The following UBAC2 variants were observed in gnomAD, a reference collection of about 807,000 sequenced individuals.
UBAC2 encodes UBA domain containing 2, also known as ubiquitin-associated domain-containing protein 2.
UBAC2 carries 26 observed loss-of-function variants against 44.0 expected under a neutral mutation model. That is an observed-to-expected ratio of 0.59 (90% confidence interval 0.43 to 0.82). The LOEUF is 0.82. Among genes scored for constraint, UBAC2 ranks in the 40% least tolerant of loss-of-function variants. The pLI is 0.00. For missense variants in UBAC2, 329 were observed against 419.4 expected (o/e 0.78, Z 1.88); for synonymous variants, 155 against 154.3 (o/e 1.00, Z -0.04).
chr13:99,358,315 T>A (rs1043666962), intron 7 of UBAC2, among the ~76,000 whole-genome samples: 4 of 152,208 alleles, frequency 2.6e-5, no homozygotes, highest in Admixed American at 6.5e-5. Context: ...CTCCCTTTCT[T>A]TTCTAACTGT....
intron 4 of UBAC2, among the ~76,000 whole-genome samples, chr13:99,249,221 C>G (rs938852657): frequency 4.0e-5 from 6 of 151,882 alleles, no homozygotes; most frequent in African/African-American, 1.5e-4. Context: ...TCTTCCGTGT[C>G]TGTTGCTGCC....
At chr13:99,342,445 G>A (rs985736813) in intron 7 of UBAC2, among the ~76,000 whole-genome samples, 1 of 152,244 alleles carries the variant, frequency 6.6e-6, no homozygotes, top group African/African-American at 2.4e-5. Flanking sequence ...GCATAGTCTC[G>A]GCGCTGAGTG....
chr13:99,215,925 A>G (rs1426190018), intron 1 of UBAC2, among the ~76,000 whole-genome samples: 1 of 152,266 alleles, frequency 6.6e-6, no homozygotes, highest in Non-Finnish European at 1.5e-5. Context: ...CTAGTCTGAA[A>G]GACCTCTCTA....
At chr13:99,323,402 A>T (rs1164398754) in intron 6 of UBAC2, among the ~76,000 whole-genome samples, 2 of 152,208 alleles carry the variant, frequency 1.3e-5, no homozygotes, top group Non-Finnish European at 2.9e-5. Context: ...AGAGTTCAAC[A>T]CCAGCCTGGC....
At chr13:99,349,923 G>A (rs1305335222) in intron 7 of UBAC2, among the ~76,000 whole-genome samples, 1 of 152,080 alleles carries the variant, frequency 6.6e-6, no homozygotes, top group Admixed American at 6.6e-5. Context: ...AATGAAAGGA[G>A]ACTCCCTTTC....
At chr13:99,213,133 G>GGCATTC (rs2042953177) in intron 1 of UBAC2, among the ~76,000 whole-genome samples, 1 of 151,790 alleles carries the variant, frequency 6.6e-6, no homozygotes, top group East Asian at 1.9e-4. Flanking sequence ...ATTTTATACA[G>GGCATTC]AAATGGCATT....
intron 6 of UBAC2, among the ~76,000 whole-genome samples, chr13:99,332,599 G>A (rs554495596): frequency 1.3e-4 from 20 of 152,288 alleles, no homozygotes; most frequent in South Asian, 8.3e-4. Context: ...CTCTGGTTGC[G>A]TGACCATGTG....
In UBAC2 at chr13:99,204,642, C is replaced by A. The variant is rs1259212405; in HGVS notation, c.31+3703C>A. Among the ~76,000 whole-genome samples, 3 of 152,052 alleles carry A rather than the reference C, an allele frequency of 2.0e-5. No homozygotes were observed. The East Asian group carries it at 5.8e-4, about 29-fold the overall frequency. Reference sequence around the variant, plus strand: ...GGGGAGAGTGGCTGATGGCATTACACGCTGCAGAGATTTTCAAAACGGGCC... The same window carrying A: ...GGGGAGAGTGGCTGATGGCATTACAAGCTGCAGAGATTTTCAAAACGGGCC... On this transcript the variant is annotated intron_variant, in intron 1 of 8. Coordinates refer to ENST00000403766, the MANE Select transcript of UBAC2 (RefSeq NM_001144072.2).
In UBAC2 at chr13:99,244,605, A is replaced by G; in HGVS notation, c.370A>G (p.Ser124Gly). Reference protein sequence around the residue: ...MQYFFGITAASNLPSGFLAPV... With the variant: ...MQYFFGITAAGNLPSGFLAPV... ...GTATTTCTTTGGCATCACTGCAGCTAGTAATTTGCCTTCTGGATTGTAAGT... is the reference window on the plus strand; with the variant it reads ...GTATTTCTTTGGCATCACTGCAGCTGGTAATTTGCCTTCTGGATTGTAAGT... Residue 124 changes from serine (S) to glycine (G), a missense_variant, in exon 4 of 9, where the codon AGT becomes GGT. Ser to Gly is a moderately conservative substitution (Grantham distance 56). Transcript: ENST00000403766. 1 of 1,611,156 alleles carries G rather than the reference A, an allele frequency of 6.2e-7. No individual in the cohort carries two copies. Among genetic ancestry groups the G allele is most frequent in the Non-Finnish European group, 8.5e-7 (1 of 1,177,648 alleles).
intron 4 of UBAC2, chr13:99,296,298 T>G: frequency 1.8e-6 from 1 of 563,152 alleles, no homozygotes; most frequent in Non-Finnish European, 2.9e-6. Context: ...TTTTAAAATT[T>G]CATGACATGC....
chr13:99,317,425 G>C (rs139259594), intron 5 of UBAC2, among the ~76,000 whole-genome samples: 126 of 152,232 alleles, frequency 8.3e-4, no homozygotes, highest in Non-Finnish European at 1.4e-3. Flanking sequence ...AATTTCATGA[G>C]ATCTAATTCT....
chr13:99,208,862 A>G (rs1356999532), intron 1 of UBAC2, among the ~76,000 whole-genome samples: 2 of 152,140 alleles, frequency 1.3e-5, no homozygotes, highest in Non-Finnish European at 2.9e-5. Flanking sequence ...CCCGACTTCT[A>G]TCCCTTTTGC....
intron 1 of UBAC2, among the ~76,000 whole-genome samples, chr13:99,213,150 C>T (rs538569280): frequency 8.9e-4 from 136 of 152,120 alleles, no homozygotes; most frequent in Admixed American, 1.4e-3. Context: ...CATTCAAATA[C>T]ACATTTGATG....
chr13:99,295,073 G>A lies in UBAC2; in HGVS notation c.390-19024G>A, dbSNP rs1594097382. 1 of 1,612,884 alleles carries A rather than the reference G, an allele frequency of 6.2e-7. No individual in the cohort carries two copies. The highest frequency in any genetic ancestry group is 1.7e-5 in the Admixed American group (1 of 59,794). ...ATACAATCCATTTCACTTTCCATTT[G>A]AAGACTTGGAATGTATCATCATCTG... is the stretch of plus-strand genomic sequence containing the variant. On this transcript the variant is annotated intron_variant, in intron 4 of 8. Transcript: ENST00000403766. This position sits in a 1 kb window ranked among gnomAD's most constrained non-coding sequence, Gnocchi z 4.1.
rs1367302629 is a variant in UBAC2 at position 99,232,399 on chromosome 13, G to GAGATAGATAT, written c.32-6027_32-6026insGATAGATATA. 2.0e-4 allele frequency among the ~76,000 whole-genome samples: 22 copies of GAGATAGATAT among 109,902 alleles called. 1 individual carries two copies. Among genetic ancestry groups the GAGATAGATAT allele is most frequent in the South Asian group, 2.7e-4 (1 of 3,734 alleles). 72.1% of individuals were successfully genotyped at this position (109,902 alleles called of 152,430 possible). A position where few individuals can be genotyped will look rare whatever the true frequency, so the allele number is the denominator to read the frequency against. The stretch of plus-strand genomic sequence containing the variant: ...AGACCCTGTCCATCCTTAGTTGAGA[G>GAGATAGATAT]ATATAGATATATATATATATATTCA... On this transcript the variant is annotated intron_variant, in intron 1 of 8. Coordinates refer to ENST00000403766, the MANE Select transcript of UBAC2 (RefSeq NM_001144072.2).
At chr13:99,321,200 T>C (rs892963142) in intron 6 of UBAC2, among the ~76,000 whole-genome samples, 1 of 152,270 alleles carries the variant, frequency 6.6e-6, no homozygotes. Flanking sequence ...AGTAATTTGT[T>C]ATTTGCTGTC....
intron 2 of UBAC2, among the ~76,000 whole-genome samples, chr13:99,242,041 C>T (rs1408346541): frequency 6.6e-6 from 1 of 150,848 alleles, no homozygotes. Context: ...TTTCAGAGAG[C>T]ACAGGGTTGG....
intron 7 of UBAC2, among the ~76,000 whole-genome samples, chr13:99,362,653 A>G (rs529703567): frequency 2.0e-5 from 3 of 152,382 alleles, no homozygotes; most frequent in Middle Eastern, 6.8e-3. Flanking sequence ...CCCCTTCTGT[A>G]AATGGAGTAT....
chr13:99,303,653 T>A (rs1047732633), intron 4 of UBAC2, among the ~76,000 whole-genome samples: 3 of 152,234 alleles, frequency 2.0e-5, no homozygotes, highest in Non-Finnish European at 4.4e-5. Context: ...CTCTTTATAA[T>A]GAAGCTCTGT....
Sources: gnomAD v4.1 joint callset for allele counts (sites outside exome capture counted in the v4.1 genomes callset) on GRCh38, gnomAD v4.1.1 for gene constraint, Gnocchi (gnomAD v3.1) non-coding constraint, MANE v1.5 for transcripts, NCBI Gene and HGNC (gene_info 2026-07-23, HGNC 2026-07-21) for gene names.